Variants in CGNL1 observed in about 807,000 individuals in gnomAD.
CGNL1 encodes cingulin-like protein 1.
Under a neutral mutation model 141.2 loss-of-function variants are expected in CGNL1, and 132 were observed. That is an observed-to-expected ratio of 0.93 (90% confidence interval 0.81 to 1.08). The LOEUF is 1.08. Ranked by LOEUF, CGNL1 falls within the 50% of genes least tolerant of loss-of-function variation. CGNL1 has a pLI of 0.00. For missense variants in CGNL1, 1,870 were observed against 1,588.6 expected, an observed-to-expected ratio of 1.18 and a Z score of -3.01; for synonymous variants, 690 against 622.1, an observed-to-expected ratio of 1.11 and a Z score of -1.63.
At chr15:57,488,289 T>C (rs1482952796) in intron 8 of CGNL1, among the ~76,000 whole-genome samples, 19 of 152,292 alleles carry the variant, frequency 1.2e-4, no homozygotes, top group African/African-American at 4.6e-4. Flanking sequence ...TTATATATTC[T>C]GGATATCAGT....
intron 10 of CGNL1, among the ~76,000 whole-genome samples, chr15:57,523,121 A>G (rs557203047): frequency 4.0e-4 from 61 of 152,332 alleles, no homozygotes; most frequent in African/African-American, 1.4e-3. Context: ...ATAAATTGCC[A>G]AGTAGGTTTA....
intron 8 of CGNL1, among the ~76,000 whole-genome samples, chr15:57,492,699 G>GA (rs11395476): frequency 0.85 from 123,869 of 146,172 alleles, 51,409 homozygotes; most frequent in South Asian, 0.87. Context: ...TGTCCATAAG[G>GA]AAAAAAAAAA....
chr15:57,544,700 T>C, intron 16 of CGNL1, 103 bp downstream of exon 16: 1 of 1,382,038 alleles, frequency 7.2e-7, no homozygotes, highest in Non-Finnish European at 9.8e-7. Flanking sequence ...CCTCGTAGCC[T>C]GTGAGGAAGG....
intron 1 of CGNL1, among the ~76,000 whole-genome samples, chr15:57,418,933 C>CT (rs1555432553): frequency 1.9e-4 from 27 of 145,738 alleles, no homozygotes; most frequent in African/African-American, 3.3e-4. Flanking sequence ...TGCCTGGTGC[C>CT]TTTTTTTTTT....
At chr15:57,526,263 T>C (rs1341894821) in intron 12 of CGNL1, among the ~76,000 whole-genome samples, 3 of 152,152 alleles carry the variant, frequency 2.0e-5, no homozygotes, top group Non-Finnish European at 4.4e-5. Flanking sequence ...TGTGAGACAC[T>C]GTTTCCATGT....
chr15:57,540,562 A>C (rs1180021164), intron 14 of CGNL1, among the ~76,000 whole-genome samples: 5 of 152,108 alleles, frequency 3.3e-5, no homozygotes, highest in South Asian at 2.1e-4. Flanking sequence ...ACTCAGGCAA[A>C]CCATATTACC....
chr15:57,425,917 G>C (rs2062967860), intron 1 of CGNL1, among the ~76,000 whole-genome samples: 1 of 151,726 alleles, frequency 6.6e-6, no homozygotes, highest in Non-Finnish European at 1.5e-5. Context: ...TCTTGCTGGA[G>C]ACATCTATAT....
At chr15:57,498,202 T>C (rs1400970486) in intron 8 of CGNL1, among the ~76,000 whole-genome samples, 1 of 151,946 alleles carries the variant, frequency 6.6e-6, no homozygotes, top group Admixed American at 6.6e-5. Context: ...TGTGCTTTGT[T>C]TTTTCACATC....
intron 1 of CGNL1, among the ~76,000 whole-genome samples, chr15:57,396,258 C>G (rs2062600575): frequency 6.8e-6 from 1 of 147,416 alleles, no homozygotes; most frequent in South Asian, 2.1e-4. Context: ...ATTTATTGTG[C>G]TACTTACTTT....
chr15:57,522,475 A>G lies in CGNL1; in HGVS notation c.2716-1014A>G, dbSNP rs929528466. On this transcript the variant is annotated intron_variant, in intron 10 of 18. Coordinates refer to ENST00000281282, the MANE Select transcript of CGNL1 (RefSeq NM_032866.5). ...GTTCTTGTGCAGTCACTGCAGGGAC[A>G]CAAGACTGGGTAGGCCCTGAGCTGT... Among the ~76,000 whole-genome samples, 8 of 152,250 alleles carry G rather than the reference A, an allele frequency of 5.3e-5. No individual in the cohort carries two copies. The East Asian group carries it at 1.2e-3, about 22-fold the overall frequency.
chr15:57,439,856 A>G (rs1376402728), intron 2 of CGNL1, among the ~76,000 whole-genome samples: 2 of 152,196 alleles, frequency 1.3e-5, no homozygotes, highest in African/African-American at 2.4e-5. Context: ...GGCAGACGCT[A>G]CAGAGAGGCT....
At chr15:57,526,423 A>C (rs560176696) in intron 12 of CGNL1, among the ~76,000 whole-genome samples, 2 of 151,426 alleles carry the variant, frequency 1.3e-5, no homozygotes, top group Non-Finnish European at 2.9e-5. Context: ...CTCAGGCTCA[A>C]CTCTGTTCAC....
chr15:57,468,559 CGTGTGT>C lies in CGNL1; in HGVS notation c.2403+6694_2403+6699del, dbSNP rs67758921. On this transcript the variant is annotated intron_variant, in intron 8 of 18. Coordinates refer to ENST00000281282, the MANE Select transcript of CGNL1 (RefSeq NM_032866.5). ...GAAGTTTTCTTTGGTAAAAAGTTTGCGTGTGTGTGTGTGTGTGTGTGTGTGTGTGTG... is the reference window on the plus strand; with the variant it reads ...GAAGTTTTCTTTGGTAAAAAGTTTGCGTGTGTGTGTGTGTGTGTGTGTGTG... 6.6e-3 allele frequency among the ~76,000 whole-genome samples: 959 copies of C among 145,934 alleles called. 5 individuals are homozygous for C. The highest frequency in any genetic ancestry group is 7.4e-3 in the Non-Finnish European group (487 of 66,018).
chr15:57,458,931 TC>T (rs1170023961), intron 7 of CGNL1, among the ~76,000 whole-genome samples: 1 of 152,222 alleles, frequency 6.6e-6, no homozygotes, highest in African/African-American at 2.4e-5. Context: ...AAAATCTTAG[TC>T]TGTGCAATGC....
chr15:57,460,259 T>C (rs927009455), intron 7 of CGNL1, among the ~76,000 whole-genome samples: 8 of 152,078 alleles, frequency 5.3e-5, no homozygotes, highest in African/African-American at 1.9e-4. Flanking sequence ...CGGATATGAG[T>C]AAAGGTCACA....
chr15:57,436,643 A>T (rs1197300112), intron 1 of CGNL1, among the ~76,000 whole-genome samples: 1 of 152,232 alleles, frequency 6.6e-6, no homozygotes, highest in Non-Finnish European at 1.5e-5. Flanking sequence ...AAAGCGTCCA[A>T]GTCAAGGAGT....
chr15:57,538,050 G>A (rs1330106477), intron 14 of CGNL1, among the ~76,000 whole-genome samples: 1 of 152,206 alleles, frequency 6.6e-6, no homozygotes, highest in Non-Finnish European at 1.5e-5. Context: ...GTGGGCTCAG[G>A]GTAAGAATTT....
intron 1 of CGNL1, among the ~76,000 whole-genome samples, chr15:57,383,606 C>T (rs2062449348): frequency 1.4e-5 from 1 of 72,492 alleles, no homozygotes; most frequent in African/African-American, 8.0e-5. Context: ...CTTTTCTTTT[C>T]TTTTCTTTTC....
At chr15:57,405,125 T>C (rs529525875) in intron 1 of CGNL1, 1 of 152,316 alleles carries the variant, frequency 6.6e-6, no homozygotes, top group Non-Finnish European at 1.5e-5. Flanking sequence ...GCAAGGGACA[T>C]GCTAATCTCT....
Sources: allele counts gnomAD v4.1 joint callset (sites outside exome capture counted in the v4.1 genomes callset), GRCh38; gene constraint gnomAD v4.1.1; transcripts MANE v1.5; gene names NCBI Gene and HGNC (gene_info 2026-07-23, HGNC 2026-07-21).